The following TMEM51 variants were observed in gnomAD, a reference collection of about 807,000 sequenced individuals.
TMEM51 encodes the protein transmembrane protein 51, also known as chromosome 1 open reading frame 72.
In TMEM51, 8 loss-of-function variants were observed where a neutral mutation model predicts 13.6. The observed-to-expected ratio is 0.59, with a 90% CI of 0.35 to 1.07. The LOEUF (loss-of-function observed/expected upper bound fraction) is 1.07. TMEM51 is among the 50% of genes least tolerant of loss of function. The pLI is 0.02. For missense variants in TMEM51, 279 were observed against 330.7 expected, an observed-to-expected ratio of 0.84 and a Z score of 1.21; for synonymous variants, 147 against 144.4, an observed-to-expected ratio of 1.02 and a Z score of -0.13.
At chr1:15,197,675 G>A (rs200565702) in intron 1 of TMEM51, among the ~76,000 whole-genome samples, 1 of 52,430 alleles carries the variant, frequency 1.9e-5, no homozygotes, top group Non-Finnish European at 4.0e-5. Context: ...GTACTCTCTT[G>A]TCGGGATGGT....
At chr1:15,195,861 C>T (rs754143592) in intron 1 of TMEM51, among the ~76,000 whole-genome samples, 38 of 152,130 alleles carry the variant, frequency 2.5e-4, no homozygotes, top group African/African-American at 5.1e-4. Flanking sequence ...TCCCAGGAGA[C>T]GTGGCTTGTG....
rs527866736 is a variant in TMEM51, at chr1:15,171,088, G to A, written c.-267+17134G>A. The A allele has an allele frequency of 6.7e-6, 7 of 1,048,478 alleles. No individual in the cohort carries two copies. In the African/African-American group the frequency reaches 9.8e-5, roughly 15 times the overall value. 64.9% of individuals were successfully genotyped at this position (1,048,478 alleles called of 1,614,324 possible). On this transcript the variant is annotated intron_variant, in intron 1 of 3. Transcript: ENST00000376008. ...GGCTTGTTAAAACATAGATTGCTGG[G>A]TCCTCCCTCCTCCTCCACCCCCCGC... is the stretch of plus-strand genomic sequence containing the variant.
At chr1:15,173,041 A>G (rs937992220) in intron 1 of TMEM51, among the ~76,000 whole-genome samples, 13 of 152,062 alleles carry the variant, frequency 8.5e-5, no homozygotes, top group African/African-American at 3.1e-4. Context: ...TACCTTTTTC[A>G]TGGAGGGTTG....
rs1214872938 is a variant in TMEM51, at chr1:15,220,124, T to G, written c.*381T>G. 1 of 209,232 alleles carries G rather than the reference T, an allele frequency of 4.8e-6. No individual in the cohort carries two copies. The highest frequency in any genetic ancestry group is 5.2e-5 in the Admixed American group (1 of 19,224). The allele number at this position is 209,232 out of a possible 1,614,324, so 13.0% of individuals were successfully genotyped here. ...TTGTTTTGCTTCTACTAAGACTGTT[T>G]TGTTTCAAAAAGGAAACAAGTTTTG... is the stretch of plus-strand genomic sequence containing the variant. On this transcript the variant is annotated 3_prime_UTR_variant, in exon 4 of 4. Transcript: ENST00000376008.
chr1:15,203,807 T>C (rs982022806), intron 1 of TMEM51, among the ~76,000 whole-genome samples: 2 of 152,108 alleles, frequency 1.3e-5, no homozygotes, highest in Non-Finnish European at 2.9e-5. Context: ...CCCAGTGAGG[T>C]AGATCCCAGT....
rs762166331 is a variant in TMEM51, at chr1:15,161,288, C to T, written c.-267+7334C>T. On this transcript the variant is annotated intron_variant, in intron 1 of 3. Transcript: ENST00000376008. This position sits in a 1 kb window ranked among gnomAD's most constrained non-coding sequence, Gnocchi z 4.0. ...TTGGGAGGCCAAAGCAGGTGGATTGCTTGAGGTCAGGAGTTCACGACTAGC... is the reference window on the plus strand; with the variant it reads ...TTGGGAGGCCAAAGCAGGTGGATTGTTTGAGGTCAGGAGTTCACGACTAGC... Among the ~76,000 whole-genome samples the T allele has an allele frequency of 1.3e-4, 19 of 151,932 alleles. No homozygotes were observed. Among genetic ancestry groups the T allele is most frequent in the Non-Finnish European group, 2.1e-4 (14 of 68,016 alleles).
intron 1 of TMEM51, among the ~76,000 whole-genome samples, chr1:15,204,022 T>C (rs1287765066): frequency 6.6e-6 from 1 of 152,212 alleles, no homozygotes; most frequent in Non-Finnish European, 1.5e-5. Flanking sequence ...CATCTGTGAC[T>C]TCTCTCCTTT....
At chr1:15,160,895 C>T (rs1370292969) in intron 1 of TMEM51, among the ~76,000 whole-genome samples, 1 of 141,226 alleles carries the variant, frequency 7.1e-6, no homozygotes, top group African/African-American at 2.5e-5. Flanking sequence ...CCACGGGAGG[C>T]AGCAGGGATT....
intron 1 of TMEM51, among the ~76,000 whole-genome samples, chr1:15,203,221 C>A (rs1333599623): frequency 1.3e-5 from 2 of 152,046 alleles, no homozygotes; most frequent in Non-Finnish European, 2.9e-5. Flanking sequence ...GCTCAGATAT[C>A]ATTTTCTTGG....
rs755437557 is a variant in TMEM51 at position 15,219,470 on chromosome 1, A to G, written c.489A>G (p.Ser163=). ...RLSISLPSYE[S]LTGLDETTPT... is the part of the protein sequence containing the mutation. The stretch of plus-strand genomic sequence containing the variant: ...GCATCTCTCTCCCGTCCTATGAGTC[A>G]CTGACGGGGCTCGACGAGACCACCC... Residue 163 remains serine, a synonymous_variant, in exon 4 of 4, where the codon TCA becomes TCG. Coordinates refer to ENST00000376008, the MANE Select transcript of TMEM51 (RefSeq NM_001136218.2). 2 of 1,614,030 alleles carry G rather than the reference A, an allele frequency of 1.2e-6. No individual in the cohort carries two copies. The highest frequency in any genetic ancestry group is 2.2e-5 in the East Asian group (1 of 44,894).
chr1:15,214,780 G>C (rs1644397310), intron 2 of TMEM51, 115 bp from the exon 3 acceptor site: 2 of 336,792 alleles, frequency 5.9e-6, no homozygotes, highest in South Asian at 9.7e-5. Flanking sequence ...GGCCCAGCCA[G>C]AGCCGGCGTG....
chr1:15,155,449 G>A (rs1642558835), intron 1 of TMEM51, among the ~76,000 whole-genome samples: 2 of 152,252 alleles, frequency 1.3e-5, no homozygotes, highest in South Asian at 2.1e-4. Flanking sequence ...GCGAGGTGGG[G>A]TATTTATGCC....
At chr1:15,183,744 A>G (rs1234622704) in intron 1 of TMEM51, among the ~76,000 whole-genome samples, 7 of 152,236 alleles carry the variant, frequency 4.6e-5, no homozygotes. Flanking sequence ...ACATAAATAA[A>G]CAAGATGATT....
intron 1 of TMEM51, chr1:15,171,454 G>A: frequency 2.7e-6 from 2 of 749,290 alleles, no homozygotes; most frequent in South Asian, 1.9e-5. Context: ...TGGTGGAGAA[G>A]TCTACAGCCA....
chr1:15,159,762 G>T (rs1253117832), intron 1 of TMEM51, among the ~76,000 whole-genome samples: 1 of 152,084 alleles, frequency 6.6e-6, no homozygotes, highest in Non-Finnish European at 1.5e-5. Flanking sequence ...TCACCATGTT[G>T]GCCAGGATGG....
At chr1:15,212,832 T>C (rs772927021) in intron 2 of TMEM51, among the ~76,000 whole-genome samples, 1 of 152,262 alleles carries the variant, frequency 6.6e-6, no homozygotes, top group African/African-American at 2.4e-5. Flanking sequence ...CATATGTACA[T>C]AGGTGCTCGC....
intron 1 of TMEM51, among the ~76,000 whole-genome samples, chr1:15,180,373 C>T (rs537878155): frequency 2.0e-5 from 3 of 152,352 alleles, no homozygotes; most frequent in South Asian, 2.1e-4. Flanking sequence ...TCACAGGGCC[C>T]GCTGTGCTGG....
At chr1:15,170,119 A>G (rs1413466548) in intron 1 of TMEM51, among the ~76,000 whole-genome samples, 2 of 152,236 alleles carry the variant, frequency 1.3e-5, no homozygotes, top group Non-Finnish European at 2.9e-5. Flanking sequence ...AAAACAGTAC[A>G]TGCTCAATAC....
At chr1:15,169,629 T>A (rs572161246) in intron 1 of TMEM51, among the ~76,000 whole-genome samples, 1 of 152,172 alleles carries the variant, frequency 6.6e-6, no homozygotes, top group Non-Finnish European at 1.5e-5. Context: ...TTTTTCCCAG[T>A]TGAAATGTCT....
Sources: allele counts gnomAD v4.1 joint callset (sites outside exome capture counted in the v4.1 genomes callset), GRCh38; gene constraint gnomAD v4.1.1; non-coding constraint Gnocchi (gnomAD v3.1); transcripts MANE v1.5; gene names NCBI Gene and HGNC (gene_info 2026-07-23, HGNC 2026-07-21).